SLC26A3: variants seen among roughly 807,000 people sequenced by gnomAD.
SLC26A3 encodes the protein chloride anion exchanger.
Under a neutral mutation model 85.6 loss-of-function variants are expected in SLC26A3, and 64 were observed. That is an observed-to-expected ratio of 0.75 (90% CI 0.61 to 0.92). The LOEUF (loss-of-function observed/expected upper bound fraction) is 0.92. Ranked by LOEUF, SLC26A3 falls within the 40% of genes least tolerant of loss-of-function variation. The pLI is 0.00. For missense variants in SLC26A3, 922 were observed against 927.3 expected, an observed-to-expected ratio of 0.99 and a Z score of 0.07; for synonymous variants, 349 against 336.0, an observed-to-expected ratio of 1.04 and a Z score of -0.42.
intron 18 of SLC26A3, 52 bp from the exon 19 acceptor site, chr7:107,767,960 G>C (rs1446445094): frequency 1.3e-6 from 2 of 1,565,906 alleles, no homozygotes; most frequent in African/African-American, 2.7e-5. Flanking sequence ...TTTGGCTACC[G>C]GTTTCCCCTT....
Position 107,765,615 on chromosome 7 carries a change from A to G in SLC26A3, c.*240T>C, listed in dbSNP as rs925161177. The G allele has an allele frequency of 2.1e-6, 1 of 476,502 alleles. No homozygotes were observed. Among genetic ancestry groups the G allele is most frequent in the East Asian group, 3.4e-5 (1 of 29,194 alleles). The allele number at this position is 476,502 out of a possible 1,614,324, so 29.5% of individuals were successfully genotyped here. ...ATCTGTCAGTGCTACAAAAATATGTATGAACAAAATAATTTTCACCCTTTG... is the reference window on the plus strand; with the variant it reads ...ATCTGTCAGTGCTACAAAAATATGTGTGAACAAAATAATTTTCACCCTTTG... On this transcript the variant is annotated 3_prime_UTR_variant, in exon 21 of 21. Transcript: ENST00000340010.
rs1170031348 is a variant in SLC26A3 at position 107,774,120 on chromosome 7, C to A, written c.1807G>T (p.Asp603Tyr). Residue 603 changes from aspartate to tyrosine, a missense_variant, in exon 17 of 21, where the codon GAT becomes TAT. By Grantham distance (160) the Asp-to-Tyr change is radical (BLOSUM62 -3). Transcript: ENST00000340010. ...GFICTVDTIK[D>Y]SDEELDNNQI... is the part of the protein sequence containing the mutation. ...TTGTTGTCCAGCTCTTCGTCAGAATCTTTTATGGTGTCAACAGTACATATA... is the reference window on the plus strand; with the variant it reads ...TTGTTGTCCAGCTCTTCGTCAGAATATTTTATGGTGTCAACAGTACATATA... The A allele has an allele frequency of 6.2e-7, 1 of 1,614,120 alleles. No individual in the cohort carries two copies. The highest frequency in any genetic ancestry group is 1.7e-5 in the Admixed American group (1 of 60,016).
intron 18 of SLC26A3, among the ~76,000 whole-genome samples, chr7:107,768,440 A>G (rs1046093380): frequency 6.6e-6 from 1 of 152,228 alleles, no homozygotes; most frequent in African/African-American, 2.4e-5. Flanking sequence ...ATTCATTTAC[A>G]TAGATGACTC....
intron 1 of SLC26A3, among the ~76,000 whole-genome samples, chr7:107,796,836 G>T (rs1794510425): frequency 6.6e-6 from 1 of 150,838 alleles, no homozygotes; most frequent in Non-Finnish European, 1.5e-5. Flanking sequence ...TGCTGCTATG[G>T]CCAGGAAAAA....
intron 13 of SLC26A3, 32 bp from the exon 14 acceptor site, chr7:107,776,738 C>T (rs766913078): frequency 2.5e-6 from 4 of 1,598,266 alleles, no homozygotes; most frequent in Non-Finnish European, 3.4e-6. Flanking sequence ...GTAAATCATT[C>T]ATGTATGTTT....
chr7:107,788,952 A>C (rs1483588976), intron 6 of SLC26A3, among the ~76,000 whole-genome samples: 1 of 137,094 alleles, frequency 7.3e-6, no homozygotes, highest in South Asian at 2.3e-4. Flanking sequence ...CCGGCTAATT[A>C]TTTTATTTTT....
chr7:107,768,641 T>C (rs772722757), intron 18 of SLC26A3, among the ~76,000 whole-genome samples: 3 of 152,196 alleles, frequency 2.0e-5, no homozygotes, highest in Non-Finnish European at 1.5e-5. Flanking sequence ...CTTTATTGTT[T>C]TCTTAGTTTT....
At chr7:107,785,058 GA>G (rs1044726060) in intron 8 of SLC26A3, among the ~76,000 whole-genome samples, 1 of 150,114 alleles carries the variant, frequency 6.7e-6, no homozygotes, top group Non-Finnish European at 1.5e-5. Context: ...TCATCACCCA[GA>G]AAAAAAAATG....
At chr7:107,770,924 C>A (rs182742433) in intron 18 of SLC26A3, among the ~76,000 whole-genome samples, 1 of 152,062 alleles carries the variant, frequency 6.6e-6, no homozygotes, top group African/African-American at 2.4e-5. Context: ...CCTGGGGAAG[C>A]AAGGATGTTT....
At chr7:107,799,794 T>A (rs1794571975) in intron 1 of SLC26A3, among the ~76,000 whole-genome samples, 1 of 152,204 alleles carries the variant, frequency 6.6e-6, no homozygotes, top group South Asian at 2.1e-4. Context: ...TAGCCTTAAG[T>A]TCATAGGTAG....
chr7:107,778,098 G>T, intron 13 of SLC26A3, 77 bp downstream of exon 13: 1 of 942,990 alleles, frequency 1.1e-6, no homozygotes, highest in African/African-American at 1.6e-5. Context: ...TGTTCTTTTA[G>T]CCAGTGACAT....
intron 5 of SLC26A3, 111 bp from the exon 6 acceptor site, chr7:107,789,799 T>G (rs1365786384): frequency 3.5e-6 from 4 of 1,156,772 alleles, no homozygotes; most frequent in East Asian, 5.1e-5. Context: ...TCAACCTGTA[T>G]GTACATGCCT....
chr7:107,782,867 C>T lies in SLC26A3; in HGVS notation c.1241G>A (p.Gly414Glu). 1 of 1,613,968 alleles carries T rather than the reference C, an allele frequency of 6.2e-7. No homozygotes were observed. Among genetic ancestry groups the T allele is most frequent in the Non-Finnish European group, 8.5e-7 (1 of 1,180,000 alleles). Residue 414 changes from glycine to glutamate, a missense_variant, in exon 11 of 21, where the codon GGG becomes GAG. Physicochemically the swap from Gly to Glu is moderately conservative, Grantham distance 98. Transcript: ENST00000340010. ...CAGCACGATGATGGCACCAATAAGC[C>T]CAGCAATCTGTGAGGATAAAAAAAT... ...ESTGGKTQIAGLIGAIIVLIV... is the reference protein window; with the variant it reads ...ESTGGKTQIAELIGAIIVLIV...
chr7:107,794,403 A>G lies in SLC26A3; in HGVS notation c.107T>C (p.Leu36Pro). The G allele has an allele frequency of 6.2e-7, 1 of 1,614,092 alleles. No homozygotes were observed. The highest frequency in any genetic ancestry group is 8.5e-7 in the Non-Finnish European group (1 of 1,179,944). ...KKTGRHHKTF[L>P]DHLKVCCSCS... is the part of the protein sequence containing the mutation. Reference sequence around the variant, plus strand: ...CCTACAACACACTTTGAGATGATCCAGAAATGTCTTATGATGTCTTCCTGT... The same window carrying G: ...CCTACAACACACTTTGAGATGATCCGGAAATGTCTTATGATGTCTTCCTGT... Residue 36 changes from leucine to proline, a missense_variant, in exon 2 of 21, where the codon CTG becomes CCG. By Grantham distance (98) the Leu-to-Pro change is moderately conservative. Transcript: ENST00000340010.
chr7:107,781,939 A>T (rs547909547), intron 11 of SLC26A3, among the ~76,000 whole-genome samples: 49 of 152,240 alleles, frequency 3.2e-4, no homozygotes, highest in African/African-American at 1.2e-3. Context: ...CATATGCCAA[A>T]CCCTCAGCTA....
intron 1 of SLC26A3, among the ~76,000 whole-genome samples, chr7:107,801,070 T>C (rs1562884278): frequency 6.6e-6 from 1 of 152,186 alleles, no homozygotes; most frequent in Non-Finnish European, 1.5e-5. Flanking sequence ...CTGTAAGGCT[T>C]TGAGATTTTC....
At chr7:107,794,347 T>C (rs766171100) in intron 2 of SLC26A3, 32 bp downstream of exon 2, 1 of 1,612,336 alleles carries the variant, frequency 6.2e-7, no homozygotes, top group East Asian at 2.2e-5. Context: ...AAAAATGTAT[T>C]CCTAATGCCA....
Position 107,794,472 on chromosome 7 carries a change from C to T in SLC26A3, c.38G>A (p.Arg13Lys). 6.2e-7 allele frequency: 1 copy of T among 1,614,044 alleles called. No individual in the cohort carries two copies. Among genetic ancestry groups the T allele is most frequent in the South Asian group, 1.1e-5 (1 of 91,076 alleles). Residue 13 changes from arginine (R) to lysine (K), a missense_variant, in exon 2 of 21, where the codon AGG becomes AAG. Coordinates refer to ENST00000340010, the MANE Select transcript of SLC26A3 (RefSeq NM_000111.3). The part of the protein sequence containing the change: ...EPFGNQYIVA[R>K]PVYSTNAFEE... ...AAAAGCATTTGTAGAATACACTGGC[C>T]TGGCCACAATATACTGATTCCCAAA... is the stretch of plus-strand genomic sequence containing the variant.
chr7:107,792,399 C>G (rs1794417713), intron 3 of SLC26A3, among the ~76,000 whole-genome samples: 2 of 151,880 alleles, frequency 1.3e-5, no homozygotes, highest in South Asian at 4.2e-4. Flanking sequence ...TTTCCTGCAA[C>G]TAGATGGTTC....
Sources: gnomAD v4.1 joint callset for allele counts (sites outside exome capture counted in the v4.1 genomes callset) on GRCh38, gnomAD v4.1.1 for gene constraint, MANE v1.5 for transcripts, NCBI Gene and HGNC (gene_info 2026-07-23, HGNC 2026-07-21) for gene names.